VIT: variants seen among roughly 807,000 people sequenced by gnomAD.
The protein encoded by VIT is vitrin.
A neutral mutation model predicts 78.0 loss-of-function variants in VIT; 99 were observed. The ratio of observed to expected loss-of-function variants is 1.27; its 90% CI spans 1.08 to 1.50. The LOEUF (loss-of-function observed/expected upper bound fraction) is 1.50. Ranked by LOEUF, VIT falls within the 40% of genes most tolerant of loss-of-function variation. The probability of loss-of-function intolerance (pLI) is 0.00; values close to 1 mark genes in which losing one functional copy is unlikely to be tolerated. For missense variants in VIT, 1,126 were observed against 875.3 expected (o/e 1.29, Z -3.61); for synonymous variants, 374 against 334.3 (o/e 1.12, Z -1.29).
intron 15 of VIT, among the ~76,000 whole-genome samples, chr2:36,810,236 G>A (rs550588078): frequency 1.3e-5 from 2 of 152,308 alleles, no homozygotes; most frequent in Non-Finnish European, 2.9e-5. Flanking sequence ...GTTTGCTGGT[G>A]AGCCGAGATC....
At chr2:36,796,124 A>C (rs527987112) in intron 12 of VIT, among the ~76,000 whole-genome samples, 1 of 152,226 alleles carries the variant, frequency 6.6e-6, no homozygotes, top group South Asian at 2.1e-4. Context: ...AAAAAAAAAA[A>C]AAAACATAGT....
chr2:36,783,630 C>A (rs1449409894), intron 11 of VIT, among the ~76,000 whole-genome samples: 1 of 152,070 alleles, frequency 6.6e-6, no homozygotes, highest in African/African-American at 2.4e-5. Context: ...ACTATGGCAA[C>A]AGGGTGAAGA....
intron 13 of VIT, 94 bp downstream of exon 13, chr2:36,801,498 A>C: frequency 8.7e-7 from 1 of 1,147,462 alleles, no homozygotes; most frequent in South Asian, 1.3e-5. Flanking sequence ...AGGAAAAAAT[A>C]ATAATAATCC....
At chr2:36,797,929 T>A (rs1327028077) in intron 12 of VIT, among the ~76,000 whole-genome samples, 1 of 152,026 alleles carries the variant, frequency 6.6e-6, no homozygotes, top group Non-Finnish European at 1.5e-5. Flanking sequence ...CAGCTGGGGC[T>A]GGGAGTAAGG....
At chr2:36,796,825 G>A (rs1007719213) in intron 12 of VIT, among the ~76,000 whole-genome samples, 2 of 152,006 alleles carry the variant, frequency 1.3e-5, no homozygotes, top group Non-Finnish European at 2.9e-5. Context: ...TTGTCGATGA[G>A]CAACGTTTAA....
At chr2:36,702,355 GC>G (rs1446130780) in intron 1 of VIT, among the ~76,000 whole-genome samples, 1 of 151,842 alleles carries the variant, frequency 6.6e-6, no homozygotes, top group Non-Finnish European at 1.5e-5. Flanking sequence ...ACACTAGGGG[GC>G]AGTTCTTGCC....
intron 3 of VIT, 136 bp from the exon 4 acceptor site, chr2:36,742,964 A>T: frequency 9.4e-7 from 1 of 1,066,096 alleles, no homozygotes; most frequent in Non-Finnish European, 1.3e-6. Flanking sequence ...CTTTGCTTTC[A>T]TTATAGGGAG....
Position 36,777,060 on chromosome 2 carries a change from G to A in VIT, c.802+1993G>A, listed in dbSNP as rs551387933. The stretch of plus-strand genomic sequence containing the variant: ...GCCGAGATCACGCCACTGCACTCCA[G>A]CCTGGGCGACAGAGCGAGACTCTGT... On this transcript the variant is annotated intron_variant, in intron 9 of 15. Transcript: ENST00000379242. 8.9e-5 allele frequency among the ~76,000 whole-genome samples: 10 copies of A among 111,926 alleles called. No individual in the cohort carries two copies. In the South Asian group the frequency reaches 9.2e-4, roughly 10 times the overall value. 73.4% of individuals were successfully genotyped at this position (111,926 alleles called of 152,430 possible). A position where few individuals can be genotyped will look rare whatever the true frequency, so the allele number is the denominator to read the frequency against.
At chr2:36,789,552 G>C (rs1049598511) in intron 12 of VIT, among the ~76,000 whole-genome samples, 1 of 152,132 alleles carries the variant, frequency 6.6e-6, no homozygotes, top group Non-Finnish European at 1.5e-5. Flanking sequence ...GGTATGATGA[G>C]GCTGAGGGGG....
chr2:36,731,721 A>G (rs545603969), intron 3 of VIT, among the ~76,000 whole-genome samples: 133 of 152,358 alleles, frequency 8.7e-4, no homozygotes, highest in Non-Finnish European at 1.5e-3. Context: ...ACACTGGGAT[A>G]TCTGTATCCA....
intron 3 of VIT, among the ~76,000 whole-genome samples, chr2:36,731,832 A>T (rs1354983113): frequency 6.6e-6 from 1 of 152,190 alleles, no homozygotes; most frequent in Non-Finnish European, 1.5e-5. Flanking sequence ...CACAACTGAA[A>T]CTTTCTTATA....
chr2:36,720,504 T>TA (rs968363394), intron 2 of VIT, among the ~76,000 whole-genome samples: 5 of 151,956 alleles, frequency 3.3e-5, no homozygotes, highest in Non-Finnish European at 7.4e-5. Flanking sequence ...TATTCTGCCT[T>TA]AAAAAAAAGA....
intron 12 of VIT, among the ~76,000 whole-genome samples, chr2:36,798,892 T>G (rs958163042): frequency 3.3e-5 from 5 of 152,208 alleles, no homozygotes; most frequent in Non-Finnish European, 7.3e-5. Context: ...GACTTTAGCC[T>G]CAGATCAAGA....
intron 6 of VIT, among the ~76,000 whole-genome samples, chr2:36,762,908 C>T (rs1558549765): frequency 2.0e-5 from 3 of 152,124 alleles, no homozygotes; most frequent in Admixed American, 1.3e-4. Context: ...CCCACCACCG[C>T]GCCCCAACTG....
intron 1 of VIT, among the ~76,000 whole-genome samples, chr2:36,708,243 C>G (rs1242569862): frequency 6.6e-6 from 1 of 152,086 alleles, no homozygotes; most frequent in Non-Finnish European, 1.5e-5. Context: ...TGGCCTCTCC[C>G]CATTCAGAGA....
At chr2:36,807,477 T>A (rs1026901618) in intron 14 of VIT, among the ~76,000 whole-genome samples, 3 of 152,230 alleles carry the variant, frequency 2.0e-5, no homozygotes, top group Admixed American at 6.5e-5. Flanking sequence ...TTACCTCACA[T>A]GTCATGAGCT....
Position 36,759,045 on chromosome 2 carries a change from A to C in VIT, c.486A>C (p.Ala162=), listed in dbSNP as rs746398610. The C allele has an allele frequency of 1.9e-6, 3 of 1,614,078 alleles. No individual in the cohort carries two copies. In the African/African-American group the frequency reaches 4.0e-5, roughly 22 times the overall value. Residue 162 remains alanine (A), a splice_region_variant and synonymous_variant, in exon 6 of 16, where the codon GCA becomes GCC. Coordinates refer to ENST00000379242, the MANE Select transcript of VIT (RefSeq NM_053276.4). Reference sequence around the variant, plus strand: ...CATCGAAAAGTCCAGCTGCCCAAGCAGGCAAGTGCTCACGTGTGATTGAAT... The same window carrying C: ...CATCGAAAAGTCCAGCTGCCCAAGCCGGCAAGTGCTCACGTGTGATTGAAT... ...YSSSKSPAAQ[A]GETTKAYQRP...
chr2:36,772,252 T>TA (rs540841543), intron 7 of VIT, among the ~76,000 whole-genome samples: 8 of 148,472 alleles, frequency 5.4e-5, no homozygotes, highest in Non-Finnish European at 1.2e-4. Flanking sequence ...TCTACAAAAA[T>TA]AAAAAAAACT....
intron 9 of VIT, among the ~76,000 whole-genome samples, 190 bp downstream of exon 9, chr2:36,775,257 A>C (rs1029278187): frequency 1.3e-5 from 2 of 152,250 alleles, no homozygotes; most frequent in Non-Finnish European, 2.9e-5. Flanking sequence ...TTCTCAGTGC[A>C]TCAAAGAGAA....
Sources: gnomAD v4.1 joint callset for allele counts (sites outside exome capture counted in the v4.1 genomes callset) on GRCh38, gnomAD v4.1.1 for gene constraint, MANE v1.5 for transcripts, NCBI Gene and HGNC (gene_info 2026-07-23, HGNC 2026-07-21) for gene names.